Variants in CLIP2 observed in about 807,000 individuals in gnomAD.
CLIP2 encodes the protein CAP-Gly domain-containing linker protein 2.
Under a neutral mutation model 111.7 loss-of-function variants are expected in CLIP2, and 41 were observed. The ratio of observed to expected loss-of-function variants is 0.37; its 90% CI spans 0.29 to 0.48. CLIP2 has a LOEUF of 0.48. Ranked by LOEUF, CLIP2 falls within the 20% of genes least tolerant of loss-of-function variation. The pLI, the probability that CLIP2 is intolerant of heterozygous loss-of-function variation, is 0.99. For missense variants in CLIP2, 1,160 were observed against 1,422.1 expected (o/e 0.82, Z 2.96); for synonymous variants, 660 against 644.2 (o/e 1.02, Z -0.37).
chr7:74,386,643 C>A, intron 12 of CLIP2, 39 bp downstream of exon 12: 1 of 1,525,184 alleles, frequency 6.6e-7, no homozygotes. Flanking sequence ...GGGGGGCTTT[C>A]ACTGGGGCCG....
At chr7:74,290,083 C>T (rs922058258) in intron 1 of CLIP2, among the ~76,000 whole-genome samples, 2 of 152,248 alleles carry the variant, frequency 1.3e-5, no homozygotes, top group East Asian at 3.9e-4. Context: ...GTCGCCCGTA[C>T]CCCCTTCCAA....
At chr7:74,397,030 A>G (rs375082284) in intron 13 of CLIP2, 44 bp from the exon 14 acceptor site, 2 of 1,599,620 alleles carry the variant, frequency 1.3e-6, no homozygotes, top group African/African-American at 2.7e-5. Context: ...GAGCTGGAGG[A>G]GCCAGGGCTG....
At chr7:74,368,047 T>A (rs1243413874) in intron 8 of CLIP2, among the ~76,000 whole-genome samples, 1 of 152,162 alleles carries the variant, frequency 6.6e-6, no homozygotes, top group African/African-American at 2.4e-5. Flanking sequence ...ACCTTGTCTC[T>A]ACCCAAAATG....
At chr7:74,304,119 G>T (rs1192942211) in intron 1 of CLIP2, among the ~76,000 whole-genome samples, 1 of 151,430 alleles carries the variant, frequency 6.6e-6, no homozygotes, top group Non-Finnish European at 1.5e-5. Context: ...TCACTGTGTT[G>T]TCCAGGCTGG....
rs1554317399 is a variant in CLIP2 at position 74,400,573 on chromosome 7, G to A, written c.3066+18G>A. ...AGGCCCAGGTGAGCCGCGGCTGACA[G>A]GGCCCACCAGGAGGCAAGCCACGGG... On this transcript the variant is annotated intron_variant, in intron 15 of 16. Coordinates refer to ENST00000223398, the MANE Select transcript of CLIP2 (RefSeq NM_003388.5). The A allele has an allele frequency of 6.6e-7, 1 of 1,522,032 alleles. No individual in the cohort carries two copies. The highest frequency in any genetic ancestry group is 8.8e-7 in the Non-Finnish European group (1 of 1,131,272). The allele number at this position is 1,522,032 out of a possible 1,614,324, so 94.3% of individuals were successfully genotyped here.
intron 9 of CLIP2, among the ~76,000 whole-genome samples, chr7:74,373,503 C>G (rs1554312305): frequency 6.6e-6 from 1 of 151,538 alleles, no homozygotes; most frequent in East Asian, 1.9e-4. Context: ...GCCTCAAAAA[C>G]AAAACAAAAA....
At position 74,330,325 on chromosome 7, in the gene CLIP2, C is replaced by T. The variant is rs186019831; in HGVS notation, c.122-8123C>T. Reference sequence around the variant, plus strand: ...AGGCTGAAGTGCAGTGGCGCAATCTCGGCTCACTGCAATCTCCACCTCCTA... The same window carrying T: ...AGGCTGAAGTGCAGTGGCGCAATCTTGGCTCACTGCAATCTCCACCTCCTA... On this transcript the variant is annotated intron_variant, in intron 2 of 16. Coordinates refer to ENST00000223398, the MANE Select transcript of CLIP2 (RefSeq NM_003388.5). Among the ~76,000 whole-genome samples, 514 of 150,204 alleles carry T rather than the reference C, an allele frequency of 3.4e-3. 2 individuals are homozygous for T. Among genetic ancestry groups the T allele is most frequent in the African/African-American group, 0.012 (478 of 40,982 alleles).
rs782385261 is a variant in CLIP2 at position 74,376,577 on chromosome 7, C to T, written c.2176C>T (p.Arg726Trp). ...LELQEAQDQRRDAELRVHELE... is the reference protein window; with the variant it reads ...LELQEAQDQRWDAELRVHELE... The stretch of plus-strand genomic sequence containing the variant: ...GCTGCAGGAGGCCCAGGACCAGCGC[C>T]GGGATGCCGAGCTGCGTGTGCACGA... The change falls in exon 10 of 17, where the codon CGG (arginine) becomes TGG (tryptophan). Residue 726 changes from arginine to tryptophan, a missense_variant. This residue lies in a region of CLIP2 where 676 missense variants were observed against 777.8 expected (regional missense o/e 0.87). Coordinates refer to ENST00000223398, the MANE Select transcript of CLIP2 (RefSeq NM_003388.5). The surrounding 1 kb of genome is among the most constrained non-coding windows in gnomAD (Gnocchi z 7.1). The T allele has an allele frequency of 1.2e-6, 2 of 1,610,520 alleles. No individual in the cohort carries two copies. Among genetic ancestry groups the T allele is most frequent in the Non-Finnish European group, 1.7e-6 (2 of 1,178,862 alleles).
At chr7:74,378,007 G>A (rs1447702417) in intron 10 of CLIP2, among the ~76,000 whole-genome samples, 2 of 152,080 alleles carry the variant, frequency 1.3e-5, no homozygotes, top group Middle Eastern at 6.3e-3. Context: ...TATATTTTTA[G>A]TAGAGGTGGG....
intron 3 of CLIP2, among the ~76,000 whole-genome samples, chr7:74,343,238 C>T (rs1470361233): frequency 6.6e-6 from 1 of 151,754 alleles, no homozygotes; most frequent in Non-Finnish European, 1.5e-5. Context: ...CGGCAGGGCC[C>T]AGGAAGGAGG....
intron 4 of CLIP2, among the ~76,000 whole-genome samples, chr7:74,354,459 C>T (rs1440816033): frequency 6.6e-6 from 1 of 151,988 alleles, no homozygotes; most frequent in East Asian, 1.9e-4. Context: ...ACTAAAAATA[C>T]AAAAAATTAA....
chr7:74,390,223 AAGGATT>A (rs1463812848), intron 13 of CLIP2, among the ~76,000 whole-genome samples: 1 of 53,128 alleles, frequency 1.9e-5, no homozygotes, highest in Non-Finnish European at 5.4e-5. Context: ...GAAAGAAAGA[AAGGATT>A]AATGCCTCCC....
chr7:74,335,132 G>A (rs78067206), intron 2 of CLIP2, among the ~76,000 whole-genome samples: 5 of 152,098 alleles, frequency 3.3e-5, no homozygotes, highest in African/African-American at 1.2e-4. Context: ...ATAGCCCAGC[G>A]TGGTGGTGCA....
rs1474913062 is a variant in CLIP2 at position 74,289,644 on chromosome 7, A to T, written c.-158A>T. 1 of 151,790 alleles carries T rather than the reference A, an allele frequency of 6.6e-6. No individual in the cohort carries two copies. Among genetic ancestry groups the T allele is most frequent in the Non-Finnish European group, 1.5e-5 (1 of 67,982 alleles). The allele number at this position is 151,790 out of a possible 1,614,324, so 9.4% of individuals were successfully genotyped here. A position where few individuals can be genotyped will look rare whatever the true frequency, so the allele number is the denominator to read the frequency against. On this transcript the variant is annotated 5_prime_UTR_variant, in exon 1 of 17. Coordinates refer to ENST00000223398, the MANE Select transcript of CLIP2 (RefSeq NM_003388.5). ...GCGCCGCGCAGGGAGGGGCCGCAGC[A>T]TCCTCGCCCCCCAGCGCGCCCGGGC...
At chr7:74,314,471 A>G (rs1364602495) in intron 1 of CLIP2, among the ~76,000 whole-genome samples, 1 of 152,154 alleles carries the variant, frequency 6.6e-6, no homozygotes, top group Non-Finnish European at 1.5e-5. Flanking sequence ...AGCTTGGGCA[A>G]CAGAGTAAAA....
At position 74,360,168 on chromosome 7, in the gene CLIP2, G is replaced by A. The variant is rs915691959; in HGVS notation, c.1216-7G>A. 6.3e-7 allele frequency: 1 copy of A among 1,593,582 alleles called. No individual in the cohort carries two copies. Among genetic ancestry groups the A allele is most frequent in the Non-Finnish European group, 8.5e-7 (1 of 1,170,326 alleles). Reference sequence around the variant, plus strand: ...TGACCCTGTCCTGGCCTTCCTTGGGGGCCCAGTATGTTGCAGAAGCCGAGG... The same window carrying A: ...TGACCCTGTCCTGGCCTTCCTTGGGAGCCCAGTATGTTGCAGAAGCCGAGG... On this transcript the variant is annotated splice_region_variant and splice_polypyrimidine_tract_variant and intron_variant, in intron 6 of 16. Transcript: ENST00000223398.
Position 74,376,180 on chromosome 7 carries a change from G to C in CLIP2, c.1779G>C (p.Ala593=). ...AANEKYAQEV[A]GLKDKVQQAT... is the part of the protein sequence containing the mutation. ...ACGAGAAGTACGCACAGGAGGTGGCGGGCCTGAAGGACAAGGTTCAGCAGG... is the reference window on the plus strand; with the variant it reads ...ACGAGAAGTACGCACAGGAGGTGGCCGGCCTGAAGGACAAGGTTCAGCAGG... Residue 593 remains alanine, a synonymous_variant, in exon 10 of 17, where the codon GCG becomes GCC. Coordinates refer to ENST00000223398, the MANE Select transcript of CLIP2 (RefSeq NM_003388.5). The surrounding 1 kb of genome is among the most constrained non-coding windows in gnomAD (Gnocchi z 7.1). 6.2e-7 allele frequency: 1 copy of C among 1,611,762 alleles called. No homozygotes were observed. The highest frequency in any genetic ancestry group is 8.5e-7 in the Non-Finnish European group (1 of 1,179,008).
At chr7:74,336,625 G>A (rs1306042647) in intron 2 of CLIP2, among the ~76,000 whole-genome samples, 1 of 152,072 alleles carries the variant, frequency 6.6e-6, no homozygotes, top group Non-Finnish European at 1.5e-5. Context: ...CTCCCAAAAC[G>A]TGGAAATTAT....
intron 2 of CLIP2, among the ~76,000 whole-genome samples, chr7:74,332,738 T>TC (rs1486529984): frequency 1.3e-5 from 2 of 152,118 alleles, no homozygotes; most frequent in African/African-American, 2.4e-5. Context: ...TCCCTCCCGC[T>TC]CCCCCGGGTA....
Sources: allele counts gnomAD v4.1 joint callset (sites outside exome capture counted in the v4.1 genomes callset), GRCh38; gene constraint gnomAD v4.1.1; regional missense constraint gnomAD v4.1.1; non-coding constraint Gnocchi (gnomAD v3.1); transcripts MANE v1.5; gene names NCBI Gene and HGNC (gene_info 2026-07-23, HGNC 2026-07-21).